SAMSN1: variants seen among roughly 807,000 people sequenced by gnomAD.
The protein encoded by SAMSN1 is SAM domain, SH3 domain and nuclear localization signals 1.
SAMSN1 carries 31 observed loss-of-function variants against 42.0 expected under a neutral mutation model. That is an observed-to-expected ratio of 0.74 (90% CI 0.55 to 1.00). The LOEUF (loss-of-function observed/expected upper bound fraction) is 1.00. Among genes scored for constraint, SAMSN1 ranks in the 50% least tolerant of loss-of-function variants. SAMSN1 has a pLI of 0.00. For synonymous variants in SAMSN1, 178 were observed against 151.9 expected, an observed-to-expected ratio of 1.17 and a Z score of -1.26; for missense variants, 464 against 439.4, an observed-to-expected ratio of 1.06 and a Z score of -0.50.
chr21:14,565,751 A>G (rs17003622), intron 2 of SAMSN1, among the ~76,000 whole-genome samples: 2,396 of 152,284 alleles, frequency 0.016, 44 homozygotes, highest in African/African-American at 0.053. Flanking sequence ...TTTAAAGTCT[A>G]GTGGTCTTTC....
chr21:14,607,744 A>C (rs1286532744), intron 5 of SAMSN1, among the ~76,000 whole-genome samples: 2 of 152,240 alleles, frequency 1.3e-5, no homozygotes, highest in Non-Finnish European at 2.9e-5. Flanking sequence ...TTAACAAAAC[A>C]AAACAAAAAC....
rs762664788 is a variant in SAMSN1, at chr21:14,512,484, A to G, written c.369T>C (p.Ser123=). ...THTEKVSLKA[S]DSMDSLYSGQ... is the part of the protein sequence containing the mutation. Reference sequence around the variant, plus strand: ...CACTGTAGAGACTATCCATGGAGTCACTGGCTTTGAGGGACACCTTCTCTG... The same window carrying G: ...CACTGTAGAGACTATCCATGGAGTCGCTGGCTTTGAGGGACACCTTCTCTG... Residue 123 remains serine, a synonymous_variant, in exon 4 of 8, where the codon AGT becomes AGC. Transcript: ENST00000400566. 1 of 1,614,000 alleles carries G rather than the reference A, an allele frequency of 6.2e-7. No individual in the cohort carries two copies. The highest frequency in any genetic ancestry group is 8.5e-7 in the Non-Finnish European group (1 of 1,179,886).
chr21:14,496,822 T>TTCAC (rs1986932204), intron 7 of SAMSN1, among the ~76,000 whole-genome samples: 1 of 152,186 alleles, frequency 6.6e-6, no homozygotes, highest in Non-Finnish European at 1.5e-5. Flanking sequence ...GATGTCAAAT[T>TTCAC]AGTTATGCCT....
chr21:14,537,677 A>T (rs1979717916), intron 1 of SAMSN1, among the ~76,000 whole-genome samples: 1 of 152,214 alleles, frequency 6.6e-6, no homozygotes, highest in South Asian at 2.1e-4. Flanking sequence ...GGTAAATAAG[A>T]ATATTTGGGG....
At chr21:14,504,877 C>A (rs926279106) in intron 5 of SAMSN1, among the ~76,000 whole-genome samples, 1 of 152,178 alleles carries the variant, frequency 6.6e-6, no homozygotes, top group Admixed American at 6.5e-5. Context: ...TAAAGGAAAA[C>A]CTATCAGATT....
At chr21:14,540,355 A>C (rs1197086033) in intron 1 of SAMSN1, among the ~76,000 whole-genome samples, 1 of 152,234 alleles carries the variant, frequency 6.6e-6, no homozygotes, top group Non-Finnish European at 1.5e-5. Flanking sequence ...ATGAACAGGC[A>C]ACCTACAGAA....
intron 7 of SAMSN1, among the ~76,000 whole-genome samples, chr21:14,590,891 G>A (rs1008997080): frequency 5.3e-5 from 8 of 152,194 alleles, no homozygotes; most frequent in African/African-American, 1.9e-4. Context: ...AGGTCACAAT[G>A]ATCAATAAAC....
intron 1 of SAMSN1, among the ~76,000 whole-genome samples, chr21:14,533,805 TTTGC>T (rs543388460): frequency 7.9e-5 from 12 of 152,260 alleles, no homozygotes; most frequent in African/African-American, 2.9e-4. Context: ...TTGCTGGAAG[TTTGC>T]TTGATTCATG....
chr21:14,586,525 G>T (rs1464213921), upstream of SAMSN1, among the ~76,000 whole-genome samples: 1 of 152,050 alleles, frequency 6.6e-6, no homozygotes, highest in Non-Finnish European at 1.5e-5. Context: ...ACATTCTGGG[G>T]ATATGGCATA....
At chr21:14,622,157 A>C (rs1312257107) in intron 2 of SAMSN1, among the ~76,000 whole-genome samples, 2 of 152,240 alleles carry the variant, frequency 1.3e-5, no homozygotes, top group Admixed American at 1.3e-4. Flanking sequence ...AGGTAGATAA[A>C]ACCACAAAGA....
chr21:14,559,100 A>T (rs1287993433), intron 2 of SAMSN1, among the ~76,000 whole-genome samples: 1 of 152,148 alleles, frequency 6.6e-6, no homozygotes, highest in Middle Eastern at 3.2e-3. Context: ...TGAATTTGCC[A>T]ACTCCTGTTT....
chr21:14,594,547 G>A (rs28649652), intron 6 of SAMSN1: 11,532 of 152,256 alleles, frequency 0.076, 1,309 homozygotes, highest in African/African-American at 0.25. Context: ...TTAAACTCAA[G>A]CCAAATACAC....
chr21:14,577,323 C>T (rs1394418986), intron 2 of SAMSN1, among the ~76,000 whole-genome samples: 1 of 126,144 alleles, frequency 7.9e-6, no homozygotes, highest in Admixed American at 9.0e-5. Flanking sequence ...CTGTGTTAGC[C>T]AGGATGGTCT....
intron 2 of SAMSN1, among the ~76,000 whole-genome samples, chr21:14,562,924 G>A (rs1980990823): frequency 6.6e-6 from 1 of 152,110 alleles, no homozygotes; most frequent in Non-Finnish European, 1.5e-5. Context: ...ATTTGGGTAG[G>A]TTGTATTCCA....
intron 2 of SAMSN1, among the ~76,000 whole-genome samples, chr21:14,571,250 T>A (rs117569870): frequency 7.9e-5 from 12 of 152,320 alleles, no homozygotes; most frequent in Non-Finnish European, 1.8e-4. Flanking sequence ...TTAACTGGCA[T>A]GATGTAAATA....
At chr21:14,524,186 G>A (rs143106718) in intron 1 of SAMSN1, among the ~76,000 whole-genome samples, 4 of 152,148 alleles carry the variant, frequency 2.6e-5, no homozygotes, top group Non-Finnish European at 5.9e-5. Flanking sequence ...TTCTGTTCTT[G>A]TAAAGTTTTA....
intron 2 of SAMSN1, among the ~76,000 whole-genome samples, chr21:14,553,758 T>G (rs1656236134): frequency 1.3e-5 from 2 of 152,182 alleles, no homozygotes; most frequent in Admixed American, 1.3e-4. Flanking sequence ...TGTTGAGAAG[T>G]CTGCAGAAGC....
upstream of SAMSN1, chr21:14,583,754 G>A (rs776302586): frequency 3.4e-4 from 243 of 717,674 alleles, no homozygotes; most frequent in Non-Finnish European, 5.8e-4. Flanking sequence ...TGATTCCACA[G>A]GGTCACTGCC....
chr21:14,659,170 A>G (rs910726419), upstream of SAMSN1, among the ~76,000 whole-genome samples: 1 of 151,980 alleles, frequency 6.6e-6, no homozygotes, highest in East Asian at 1.9e-4. Context: ...GGTCCATCTC[A>G]TATTTCTTCC....
Sources: allele counts gnomAD v4.1 joint callset (sites outside exome capture counted in the v4.1 genomes callset), GRCh38; gene constraint gnomAD v4.1.1; transcripts MANE v1.5; gene names NCBI Gene and HGNC (gene_info 2026-07-23, HGNC 2026-07-21).